SESN2: variants seen among roughly 807,000 people sequenced by gnomAD.
The protein encoded by SESN2 is sestrin-2.
In SESN2, 42 loss-of-function variants were observed where a neutral mutation model predicts 56.0. That is an observed-to-expected ratio of 0.75 (90% CI 0.59 to 0.97). The LOEUF (loss-of-function observed/expected upper bound fraction) is 0.97, where lower values mean the gene tolerates loss of function less well. Ranked by LOEUF, SESN2 falls within the 50% of genes least tolerant of loss-of-function variation. The probability of loss-of-function intolerance (pLI) is 0.00; values close to 1 mark genes in which losing one functional copy is unlikely to be tolerated. For missense variants in SESN2, 507 were observed against 649.4 expected (o/e 0.78, Z 2.38); for synonymous variants, 264 against 267.1 (o/e 0.99, Z 0.11).
rs756795760 is a variant in SESN2 at position 28,272,727 on chromosome 1, C to G, written c.684C>G (p.Pro228=). ...GGGATGCAGATGGCAGCCCTGCCCC[C>G]CAGGCACCTACACCCCCTAGTGAAC... ...PEGDADGSPA[P]QAPTPPSEQS... Residue 228 remains proline (P), a synonymous_variant, in exon 5 of 10, where the codon CCC becomes CCG. Transcript: ENST00000253063. 1.9e-6 allele frequency: 3 copies of G among 1,612,450 alleles called. No individual in the cohort carries two copies. The highest frequency in any genetic ancestry group is 3.3e-4 in the Middle Eastern group (2 of 6,054).
At chr1:28,265,154 C>G (rs1441316286) in intron 1 of SESN2, among the ~76,000 whole-genome samples, 1 of 152,140 alleles carries the variant, frequency 6.6e-6, no homozygotes, top group Non-Finnish European at 1.5e-5. Context: ...CAGTGGTAAC[C>G]AGCCTTGTTA....
intron 3 of SESN2, 47 bp downstream of exon 3, chr1:28,271,918 G>A (rs1647793631): frequency 6.4e-7 from 1 of 1,569,062 alleles, no homozygotes; most frequent in Non-Finnish European, 8.8e-7. Context: ...TTTGTGGTGG[G>A]TTCTGTCCTT....
intron 1 of SESN2, among the ~76,000 whole-genome samples, chr1:28,266,264 G>A (rs1318970865): frequency 6.6e-6 from 1 of 152,164 alleles, no homozygotes; most frequent in Admixed American, 6.6e-5. Context: ...CCTTGGCATT[G>A]TTATTTTTGT....
intron 8 of SESN2, among the ~76,000 whole-genome samples, chr1:28,278,503 G>T (rs1648125863): frequency 6.6e-6 from 1 of 152,212 alleles, no homozygotes; most frequent in Non-Finnish European, 1.5e-5. Context: ...GGAGGCTGAG[G>T]TTGCGGTGAG....
At chr1:28,272,517 G>A in intron 4 of SESN2, 51 bp downstream of exon 4, 3 of 1,609,028 alleles carry the variant, frequency 1.9e-6, no homozygotes, top group Non-Finnish European at 2.5e-6. Flanking sequence ...GGCCTGGCTG[G>A]TGCCTGGTGG....
intron 6 of SESN2, among the ~76,000 whole-genome samples, chr1:28,273,738 G>T (rs754581097): frequency 5.3e-5 from 8 of 152,194 alleles, no homozygotes; most frequent in Non-Finnish European, 7.3e-5. Flanking sequence ...CAGGATTGCT[G>T]TGTAGGGTTA....
chr1:28,276,115 C>T (rs890379948), intron 8 of SESN2, among the ~76,000 whole-genome samples: 5 of 151,880 alleles, frequency 3.3e-5, no homozygotes, highest in Admixed American at 6.6e-5. Flanking sequence ...CCACTGTGCT[C>T]CAGCCTGGGC....
intron 1 of SESN2, among the ~76,000 whole-genome samples, chr1:28,265,194 C>T (rs1647514293): frequency 6.6e-6 from 1 of 152,162 alleles, no homozygotes; most frequent in Non-Finnish European, 1.5e-5. Context: ...ACTCCCCAGT[C>T]CAGGGAATTG....
rs17163103 is a variant in SESN2, at chr1:28,281,105, A to G, written c.*303A>G. ...AGGGCACAGGAAAGAAGCCGGGCCAAGCTCGGAATTAATGTGCCACAAGTG... is the reference window on the plus strand; with the variant it reads ...AGGGCACAGGAAAGAAGCCGGGCCAGGCTCGGAATTAATGTGCCACAAGTG... On this transcript the variant is annotated 3_prime_UTR_variant, in exon 10 of 10. Coordinates refer to ENST00000253063, the MANE Select transcript of SESN2 (RefSeq NM_031459.5). The G allele has an allele frequency of 6.5e-3, 2,001 of 306,508 alleles. 100 individuals carry two copies. In the Admixed American group the frequency reaches 0.082, roughly 13 times the overall value. The allele number at this position is 306,508 out of a possible 1,614,324, so 19.0% of individuals were successfully genotyped here.
Position 28,280,752 on chromosome 1 carries a change from C to G in SESN2, c.1393C>G (p.Gln465Glu). ...VNLLLLEARM[Q>E]AALLYALRAI... The stretch of plus-strand genomic sequence containing the variant: ...CTTGCTGCTCCTGGAGGCGCGCATG[C>G]AAGCCGCTCTGCTGTACGCCCTCCG... Residue 465 changes from glutamine to glutamate, a missense_variant, in exon 10 of 10, where the codon CAA becomes GAA. Physicochemically the swap from Gln to Glu is conservative, Grantham distance 29. Transcript: ENST00000253063. 6.2e-7 allele frequency: 1 copy of G among 1,613,402 alleles called. No homozygotes were observed. The highest frequency in any genetic ancestry group is 1.3e-5 in the African/African-American group (1 of 75,042).
intron 1 of SESN2, among the ~76,000 whole-genome samples, chr1:28,266,605 G>T (rs1647568998): frequency 6.8e-6 from 1 of 146,022 alleles, no homozygotes; most frequent in Non-Finnish European, 1.5e-5. Flanking sequence ...TGTTGCTCAG[G>T]CTGGAATGCC....
At chr1:28,277,406 G>A (rs759374159) in intron 8 of SESN2, among the ~76,000 whole-genome samples, 1 of 151,992 alleles carries the variant, frequency 6.6e-6, no homozygotes, top group Non-Finnish European at 1.5e-5. Context: ...AGTAGAGATG[G>A]TGTTTCACCA....
chr1:28,275,252 TAC>T (rs551938263), intron 8 of SESN2, among the ~76,000 whole-genome samples: 7 of 151,768 alleles, frequency 4.6e-5, no homozygotes, highest in African/African-American at 1.4e-4. Flanking sequence ...TACATATATA[TAC>T]ACACACACAC....
Position 28,280,890 on chromosome 1 carries a change from C to G in SESN2, c.*88C>G. 1.0e-6 allele frequency: 1 copy of G among 958,618 alleles called. No individual in the cohort carries two copies. Among genetic ancestry groups the G allele is most frequent in the South Asian group, 1.3e-5 (1 of 75,012 alleles). 59.4% of individuals were successfully genotyped at this position (958,618 alleles called of 1,614,324 possible). Reference sequence around the variant, plus strand: ...CCCAGACCCTTTTGTGTCCCATGCCCACCCTCCCCACGCTGCAGTGGGCTT... The same window carrying G: ...CCCAGACCCTTTTGTGTCCCATGCCGACCCTCCCCACGCTGCAGTGGGCTT... On this transcript the variant is annotated 3_prime_UTR_variant, in exon 10 of 10. Coordinates refer to ENST00000253063, the MANE Select transcript of SESN2 (RefSeq NM_031459.5).
At chr1:28,262,935 A>AG (rs1647432638) in intron 1 of SESN2, among the ~76,000 whole-genome samples, 1 of 152,190 alleles carries the variant, frequency 6.6e-6, no homozygotes, top group Non-Finnish European at 1.5e-5. Flanking sequence ...CTCAAAAAAA[A>AG]CAAAACAAAA....
chr1:28,265,738 T>C (rs547888292), intron 1 of SESN2, among the ~76,000 whole-genome samples: 1 of 152,260 alleles, frequency 6.6e-6, no homozygotes, highest in Non-Finnish European at 1.5e-5. Context: ...TTGTCCAGAC[T>C]GTTCTCAAAT....
At position 28,267,193 on chromosome 1, in the gene SESN2, G is replaced by A. The variant is rs947457884; in HGVS notation, c.91-1990G>A. Among the ~76,000 whole-genome samples, 6 of 152,158 alleles carry A rather than the reference G, an allele frequency of 3.9e-5. No homozygotes were observed. The South Asian group carries it at 1.2e-3, about 32-fold the overall frequency. On this transcript the variant is annotated intron_variant, in intron 1 of 9. Coordinates refer to ENST00000253063, the MANE Select transcript of SESN2 (RefSeq NM_031459.5). ...TGAGGGGGAGGGAAGCTCCAAAGGG[G>A]AGTGCTCAGGGATTGTGTTGGTTAC...
At chr1:28,266,140 A>G (rs1343556542) in intron 1 of SESN2, among the ~76,000 whole-genome samples, 1 of 152,226 alleles carries the variant, frequency 6.6e-6, no homozygotes, top group African/African-American at 2.4e-5. Context: ...CACTTAGCAT[A>G]GTGCCTTATA....
chr1:28,272,155 A>T, intron 3 of SESN2, 129 bp from the exon 4 acceptor site: 1 of 976,484 alleles, frequency 1.0e-6, no homozygotes, highest in Non-Finnish European at 1.5e-6. Flanking sequence ...AGCTGGGGTT[A>T]CTTAGAACTT....
Sources: gnomAD v4.1 joint callset for allele counts (sites outside exome capture counted in the v4.1 genomes callset) on GRCh38, gnomAD v4.1.1 for gene constraint, MANE v1.5 for transcripts, NCBI Gene and HGNC (gene_info 2026-07-23, HGNC 2026-07-21) for gene names.